The following EHMT1 variants were observed in gnomAD, a reference collection of about 807,000 sequenced individuals.
The protein encoded by EHMT1 is euchromatic histone lysine methyltransferase 1, also known as histone-lysine N-methyltransferase EHMT1.
EHMT1 carries 15 observed loss-of-function variants against 147.2 expected under a neutral mutation model. The ratio of observed to expected loss-of-function variants is 0.10; its 90% CI spans 0.07 to 0.16. EHMT1 has a LOEUF of 0.16. Ranked by LOEUF, EHMT1 falls within the 10% of genes least tolerant of loss-of-function variation. The pLI is 1.00. For synonymous variants in EHMT1, 795 were observed against 709.6 expected (o/e 1.12, Z -1.91); for missense variants, 1,587 against 1,772.4 (o/e 0.90, Z 1.88).
intron 25 of EHMT1, among the ~76,000 whole-genome samples, chr9:137,830,110 TTG>T (rs1271989854): frequency 7.6e-5 from 11 of 145,178 alleles, no homozygotes; most frequent in African/African-American, 3.2e-4. Flanking sequence ...CTTTTTTTTT[TTG>T]TTTACATTTT....
At chr9:137,680,568 C>T (rs1208796510) in intron 1 of EHMT1, among the ~76,000 whole-genome samples, 1 of 152,232 alleles carries the variant, frequency 6.6e-6, no homozygotes. Flanking sequence ...GTAGATTGTA[C>T]TGTTCACGTT....
chr9:137,780,265 TGTG>T (rs1198209100), intron 14 of EHMT1, among the ~76,000 whole-genome samples: 2 of 140,662 alleles, frequency 1.4e-5, no homozygotes, highest in East Asian at 2.2e-4. Flanking sequence ...CGCTGGGATG[TGTG>T]GTGATGATGC....
chr9:137,749,311 C>T (rs1455334650), intron 6 of EHMT1, among the ~76,000 whole-genome samples: 4 of 152,116 alleles, frequency 2.6e-5, no homozygotes, highest in African/African-American at 9.7e-5. Context: ...CTCTGTTGTG[C>T]AGGCTGGAGT....
intron 3 of EHMT1, among the ~76,000 whole-genome samples, chr9:137,717,447 A>T (rs1344312193): frequency 6.6e-6 from 1 of 151,750 alleles, no homozygotes; most frequent in Non-Finnish European, 1.5e-5. Flanking sequence ...AAAATTTTGT[A>T]AAAAATGCAA....
chr9:137,735,848 T>C (rs537185812), intron 4 of EHMT1, among the ~76,000 whole-genome samples: 2 of 152,228 alleles, frequency 1.3e-5, no homozygotes, highest in Non-Finnish European at 2.9e-5. Context: ...TCTCTCACCA[T>C]GTGATCGCTT....
rs527720734 is a variant in EHMT1, at chr9:137,802,626, G to A, written c.2712+1642G>A. The A allele has an allele frequency of 2.4e-5, 10 of 409,826 alleles. No homozygotes were observed. The South Asian group carries it at 8.2e-4, about 34-fold the overall frequency. 25.4% of individuals were successfully genotyped at this position (409,826 alleles called of 1,614,324 possible). ...GGCCCTTGCCATTCATTGTTGGCAC[G>A]GGGAGGTCTGCATTTGGAACCCCTC... On this transcript the variant is annotated intron_variant, in intron 18 of 26. Coordinates refer to ENST00000460843, the MANE Select transcript of EHMT1 (RefSeq NM_024757.5).
At chr9:137,706,345 C>G (rs1032093335) in intron 1 of EHMT1, among the ~76,000 whole-genome samples, 3 of 152,210 alleles carry the variant, frequency 2.0e-5, no homozygotes, top group Non-Finnish European at 4.4e-5. Context: ...GTGGAAAGGT[C>G]TTGATTTAGG....
chr9:137,695,360 C>T (rs1219148705), intron 1 of EHMT1, among the ~76,000 whole-genome samples: 1 of 152,120 alleles, frequency 6.6e-6, no homozygotes, highest in East Asian at 1.9e-4. Flanking sequence ...GGAGCATGGA[C>T]GGAGCCCTGG....
rs369963873 is a variant in EHMT1 at position 137,783,654 on chromosome 9, G to C, written c.2382+1257G>C. Among the ~76,000 whole-genome samples the C allele has an allele frequency of 9.2e-5, 14 of 152,266 alleles. No individual in the cohort carries two copies. The East Asian group carries it at 1.7e-3, about 19-fold the overall frequency. On this transcript the variant is annotated intron_variant, in intron 15 of 26. Coordinates refer to ENST00000460843, the MANE Select transcript of EHMT1 (RefSeq NM_024757.5). ...GGTGATCTGCAGGCCTGGCTGTTTT[G>C]TTGGGGCCCCCAGGCCCCACTGTCT...
chr9:137,669,377 G>T (rs55818410), intron 1 of EHMT1, among the ~76,000 whole-genome samples: 6 of 3,288 alleles, frequency 1.8e-3, no homozygotes, highest in South Asian at 0.012. Context: ...CACGTGCACT[G>T]GACTCCACCC....
intron 24 of EHMT1, 138 bp downstream of exon 24, chr9:137,817,663 C>A: frequency 8.9e-7 from 1 of 1,127,028 alleles, no homozygotes; most frequent in Non-Finnish European, 1.3e-6. Flanking sequence ...GCCACAGAGA[C>A]CCTGGCCCCG....
chr9:137,798,771 C>A (rs764331364), intron 16 of EHMT1, 42 bp from the exon 17 acceptor site: 9 of 1,524,700 alleles, frequency 5.9e-6, no homozygotes, highest in Non-Finnish European at 8.2e-6. Flanking sequence ...ACACCAGGAT[C>A]ACAGGTATGG....
chr9:137,705,617 T>C (rs1056695614), intron 1 of EHMT1, among the ~76,000 whole-genome samples: 3 of 152,342 alleles, frequency 2.0e-5, no homozygotes, highest in Non-Finnish European at 4.4e-5. Flanking sequence ...TCATGTGTTT[T>C]GCCGTGCGGG....
chr9:137,673,424 T>C (rs1401236469), intron 1 of EHMT1, among the ~76,000 whole-genome samples: 1 of 152,200 alleles, frequency 6.6e-6, no homozygotes, highest in Non-Finnish European at 1.5e-5. Flanking sequence ...CAGCCTTATT[T>C]TTATGTCTCA....
At position 137,791,015 on chromosome 9, in the gene EHMT1, G is replaced by T. The variant is rs761422833; in HGVS notation, c.2505+45G>T. ...TCAACGTCCTAGTGTGTGTGTAGACGTTTCTCAGAAAGCTGAGCAAGGGAC... is the reference window on the plus strand; with the variant it reads ...TCAACGTCCTAGTGTGTGTGTAGACTTTTCTCAGAAAGCTGAGCAAGGGAC... On this transcript the variant is annotated intron_variant, in intron 16 of 26. Coordinates refer to ENST00000460843, the MANE Select transcript of EHMT1 (RefSeq NM_024757.5). The T allele has an allele frequency of 8.1e-6, 13 of 1,613,910 alleles. No individual in the cohort carries two copies. In the Admixed American group the frequency reaches 1.0e-4, roughly 12 times the overall value.
chr9:137,791,586 C>G (rs1266221563), intron 16 of EHMT1, among the ~76,000 whole-genome samples: 1 of 152,222 alleles, frequency 6.6e-6, no homozygotes, highest in East Asian at 1.9e-4. Context: ...TAGTTGAAAA[C>G]TAACAAACAT....
chr9:137,674,159 C>T (rs1396826368), intron 1 of EHMT1, among the ~76,000 whole-genome samples: 1 of 152,200 alleles, frequency 6.6e-6, no homozygotes, highest in Non-Finnish European at 1.5e-5. Flanking sequence ...GCGCAGTGAG[C>T]TTAGAAAACC....
intron 6 of EHMT1, among the ~76,000 whole-genome samples, chr9:137,749,953 C>A (rs1217930106): frequency 2.6e-5 from 4 of 152,218 alleles, no homozygotes; most frequent in Admixed American, 2.0e-4. Flanking sequence ...GGAGAGGCTG[C>A]TGCTTTCACC....
intron 18 of EHMT1, among the ~76,000 whole-genome samples, chr9:137,805,387 AGTC>A (rs1953862067): frequency 1.3e-5 from 2 of 152,296 alleles, no homozygotes; most frequent in African/African-American, 4.8e-5. Context: ...TGTGTGAGCC[AGTC>A]GTCCACATGT....
Sources: allele counts gnomAD v4.1 joint callset (sites outside exome capture counted in the v4.1 genomes callset), GRCh38; gene constraint gnomAD v4.1.1; transcripts MANE v1.5; gene names NCBI Gene and HGNC (gene_info 2026-07-23, HGNC 2026-07-21).